CFAP97: variants seen among roughly 807,000 people sequenced by gnomAD.
The protein encoded by CFAP97 is cilia- and flagella-associated protein 97.
A neutral mutation model predicts 43.1 loss-of-function variants in CFAP97; 36 were observed. That is an observed-to-expected ratio of 0.84 (90% CI 0.64 to 1.10). The LOEUF (loss-of-function observed/expected upper bound fraction) is 1.10, where lower values mean the gene tolerates loss of function less well. Ranked by LOEUF, CFAP97 falls within the 50% of genes least tolerant of loss-of-function variation. The pLI, the probability that CFAP97 is intolerant of heterozygous loss-of-function variation, is 0.00. For missense variants in CFAP97, 657 were observed against 620.3 expected (o/e 1.06, Z -0.63); for synonymous variants, 228 against 225.7 (o/e 1.01, Z -0.09).
At chr4:185,199,769 C>T (rs1201661950) in intron 1 of CFAP97, among the ~76,000 whole-genome samples, 1 of 152,194 alleles carries the variant, frequency 6.6e-6, no homozygotes, top group Non-Finnish European at 1.5e-5. Context: ...AATGACAGCA[C>T]ACCTATTTAC....
At chr4:185,205,351 G>A (rs1444516590), upstream of CFAP97, among the ~76,000 whole-genome samples, 1 of 152,090 alleles carries the variant, frequency 6.6e-6, no homozygotes, top group Non-Finnish European at 1.5e-5. Context: ...CTACTCGGAA[G>A]GCTGAGACAG....
rs1266626463 is a variant in CFAP97, at chr4:185,190,487, G to A, written c.710C>T (p.Thr237Ile). Reference protein sequence around the residue: ...IKSTETQPSSTTPKCGHYPEE... With the variant: ...IKSTETQPSSITPKCGHYPEE... Reference sequence around the variant, plus strand: ...AGGGTAGTGGCCACATTTTGGTGTAGTACTTGAAGGCTGTGTTTCTGTCGA... The same window carrying A: ...AGGGTAGTGGCCACATTTTGGTGTAATACTTGAAGGCTGTGTTTCTGTCGA... Residue 237 changes from threonine to isoleucine, a missense_variant, in exon 2 of 5, where the codon ACT becomes ATT. Coordinates refer to ENST00000458385, the MANE Select transcript of CFAP97 (RefSeq NM_020827.3). 3 of 1,613,834 alleles carry A rather than the reference G, an allele frequency of 1.9e-6. No homozygotes were observed. The African/African-American group carries it at 4.0e-5, about 22-fold the overall frequency.
At chr4:185,171,462 C>G (rs887114963) in intron 3 of CFAP97, among the ~76,000 whole-genome samples, 3 of 152,150 alleles carry the variant, frequency 2.0e-5, no homozygotes, top group Non-Finnish European at 4.4e-5. Context: ...AGGCTCCAAC[C>G]CTGATACTAC....
At chr4:185,176,177 A>G in intron 2 of CFAP97, 126 bp from the exon 3 acceptor site, 2 of 831,822 alleles carry the variant, frequency 2.4e-6, no homozygotes, top group Non-Finnish European at 3.5e-6. Flanking sequence ...CAATGGGACA[A>G]TCTTAGCTCA....
At chr4:185,179,608 T>C (rs1231262132) in intron 2 of CFAP97, among the ~76,000 whole-genome samples, 1 of 152,168 alleles carries the variant, frequency 6.6e-6, no homozygotes, top group African/African-American at 2.4e-5. Flanking sequence ...ACATGGGCCC[T>C]TGGGTTCTGG....
Position 185,164,146 on chromosome 4 carries a change from T to C in CFAP97, c.1354A>G (p.Thr452Ala), listed in dbSNP as rs575321427. 25 of 1,613,936 alleles carry C rather than the reference T, an allele frequency of 1.5e-5. No individual in the cohort carries two copies. The South Asian group carries it at 2.6e-4, about 17-fold the overall frequency. ...LLKRLEAVKPTVGMKRSEQLM... is the reference protein window; with the variant it reads ...LLKRLEAVKPAVGMKRSEQLM... The stretch of plus-strand genomic sequence containing the variant: ...TGTTCTGAACGTTTCATACCAACTG[T>C]TGGTTTCACGGCCTCAAGCCTTTTC... Residue 452 changes from threonine to alanine, a missense_variant, in exon 4 of 5, where the codon ACA becomes GCA. Physicochemically the swap from Thr to Ala is moderately conservative, Grantham distance 58. Coordinates refer to ENST00000458385, the MANE Select transcript of CFAP97 (RefSeq NM_020827.3).
chr4:185,205,808 G>C (rs563264523), upstream of CFAP97, among the ~76,000 whole-genome samples: 1 of 152,112 alleles, frequency 6.6e-6, no homozygotes, highest in African/African-American at 2.4e-5. Context: ...CAGCCTGGGC[G>C]ACAGAGCAAG....
chr4:185,184,599 AAC>A (rs1050085235), intron 2 of CFAP97, among the ~76,000 whole-genome samples: 6 of 152,170 alleles, frequency 3.9e-5, no homozygotes, highest in African/African-American at 1.4e-4. Context: ...GGGCTGGAGG[AAC>A]ACAGTGCTAG....
chr4:185,163,174 C>T (rs1009625998), intron 4 of CFAP97, among the ~76,000 whole-genome samples: 1 of 152,016 alleles, frequency 6.6e-6, no homozygotes, highest in Non-Finnish European at 1.5e-5. Flanking sequence ...AAATAATTCA[C>T]GTGAAAAAAA....
At chr4:185,199,396 C>A (rs182424160) in intron 1 of CFAP97, among the ~76,000 whole-genome samples, 107 of 151,714 alleles carry the variant, frequency 7.1e-4, no homozygotes, top group Non-Finnish European at 1.3e-3. Flanking sequence ...AATCTGGGTG[C>A]GGTGCCTCCC....
At chr4:185,164,843 A>T (rs1315894026) in intron 3 of CFAP97, among the ~76,000 whole-genome samples, 3 of 152,226 alleles carry the variant, frequency 2.0e-5, no homozygotes, top group Non-Finnish European at 1.5e-5. Context: ...TAATGCTAAG[A>T]ACCTAGTGTT....
At chr4:185,192,830 T>C (rs1316681442) in intron 1 of CFAP97, among the ~76,000 whole-genome samples, 1 of 139,608 alleles carries the variant, frequency 7.2e-6, no homozygotes, top group Non-Finnish European at 1.5e-5. Flanking sequence ...AAGCTCCGCC[T>C]CCCGGGTTCA....
intron 3 of CFAP97, among the ~76,000 whole-genome samples, chr4:185,164,972 C>T (rs1438767995): frequency 6.6e-6 from 1 of 152,216 alleles, no homozygotes; most frequent in Non-Finnish European, 1.5e-5. Context: ...TTGTAGGCCA[C>T]TGGGGAAAGG....
At chr4:185,209,586 T>A (rs1737393565), upstream of CFAP97, 1 of 309,310 alleles carries the variant, frequency 3.2e-6, no homozygotes. This position sits in a 1 kb window ranked among gnomAD's most constrained non-coding sequence, Gnocchi z 5.2. Context: ...CGCGTCAGGC[T>A]GGCCAGGCTT....
intron 2 of CFAP97, among the ~76,000 whole-genome samples, chr4:185,186,219 G>A (rs1406579186): frequency 1.3e-5 from 2 of 152,074 alleles, no homozygotes; most frequent in Non-Finnish European, 2.9e-5. Flanking sequence ...GATCACCTGA[G>A]GTCAGGAGTT....
chr4:185,210,055 G>A (rs1256796765), upstream of CFAP97: 4 of 983,984 alleles, frequency 4.1e-6, no homozygotes, highest in South Asian at 4.7e-5. This position sits in a 1 kb window ranked among gnomAD's most constrained non-coding sequence, Gnocchi z 4.4. Context: ...CCTGGGGCCC[G>A]GCAGCGGGGA....
chr4:185,174,201 C>T (rs377334379), intron 3 of CFAP97, among the ~76,000 whole-genome samples: 41 of 151,566 alleles, frequency 2.7e-4, no homozygotes, highest in South Asian at 6.2e-4. Context: ...TAAATGCGAT[C>T]GGCCCAGAGC....
chr4:185,190,572 TCTTAGATGA>T lies in CFAP97; in HGVS notation c.616_624del (p.Ser206_Lys208del), dbSNP rs1736196257. On this transcript the variant is annotated inframe_deletion, in exon 2 of 5. Coordinates refer to ENST00000458385, the MANE Select transcript of CFAP97 (RefSeq NM_020827.3). ...AGGAGGGTTATACCAGATACATGTT[TCTTAGATGA>T]CTTAGATGACGGAGACGAATCAGAT... The T allele has an allele frequency of 1.2e-6, 2 of 1,613,930 alleles. No homozygotes were observed. The highest frequency in any genetic ancestry group is 1.1e-5 in the South Asian group (1 of 91,042).
At chr4:185,178,345 T>G (rs1485254686) in intron 2 of CFAP97, among the ~76,000 whole-genome samples, 1 of 145,762 alleles carries the variant, frequency 6.9e-6, no homozygotes, top group Non-Finnish European at 1.5e-5. Context: ...CCTCCCCAGT[T>G]CAAGCGATTG....
Sources: gnomAD v4.1 joint callset for allele counts (sites outside exome capture counted in the v4.1 genomes callset) on GRCh38, gnomAD v4.1.1 for gene constraint, Gnocchi (gnomAD v3.1) non-coding constraint, MANE v1.5 for transcripts, NCBI Gene and HGNC (gene_info 2026-07-23, HGNC 2026-07-21) for gene names.